Variants in DUSP28 observed in about 807,000 individuals in gnomAD.
DUSP28 encodes dual specificity phosphatase 28.
In DUSP28, 11 loss-of-function variants were observed where a neutral mutation model predicts 8.4. The observed-to-expected ratio is 1.31, with a 90% CI of 0.83 to 2.17. The LOEUF is 2.17. Ranked by LOEUF, DUSP28 falls within the 30% of genes most tolerant of loss-of-function variation. DUSP28 has a pLI of 0.00. For synonymous variants in DUSP28, 178 were observed against 130.9 expected (o/e 1.36, Z -2.46); for missense variants, 373 against 270.4 (o/e 1.38, Z -2.66).
chr2:240,561,552 T>TTA lies in DUSP28; in HGVS notation c.*85_*86insTA. 6.7e-7 allele frequency: 1 copy of TTA among 1,484,710 alleles called. No individual in the cohort carries two copies. The highest frequency in any genetic ancestry group is 2.4e-5 in the East Asian group (1 of 41,664). 92.0% of individuals were successfully genotyped at this position (1,484,710 alleles called of 1,614,324 possible). ...TTTACCCTTCTTCCTCACTGTCATA[T>TTA]CGAGTTTTCCTTTGTGTGTGTGTGT... On this transcript the variant is annotated 3_prime_UTR_variant, in exon 2 of 2. Transcript: ENST00000405954.
In DUSP28 at chr2:240,564,149, A is replaced by G. The variant is rs1402423730; in HGVS notation, c.*2682A>G. On this transcript the variant is annotated 3_prime_UTR_variant, in exon 2 of 2. Transcript: ENST00000405954. ...GCATCATCACCACTTTTGCTCAGTTATCAGTAGTAATAACAGCAATCAAAA... is the reference window on the plus strand; with the variant it reads ...GCATCATCACCACTTTTGCTCAGTTGTCAGTAGTAATAACAGCAATCAAAA... The G allele has an allele frequency of 6.6e-6, 1 of 152,296 alleles. No homozygotes were observed. Among genetic ancestry groups the G allele is most frequent in the East Asian group, 1.9e-4 (1 of 5,254 alleles). 9.4% of individuals were successfully genotyped at this position (152,296 alleles called of 1,614,324 possible).
Position 240,560,892 on chromosome 2 carries a change from G to C in DUSP28, c.208G>C (p.Val70Leu). Residue 70 changes from valine to leucine, a missense_variant, in exon 1 of 2, where the codon GTG becomes CTG. Val to Leu is a conservative substitution (Grantham distance 32). Coordinates refer to ENST00000405954, the MANE Select transcript of DUSP28 (RefSeq NM_001370465.2). Reference sequence around the variant, plus strand: ...CGGCGTGGCAGAGCTGCGCGTGCCCGTGTTCGACGACCCGGCTGAGGACCT... The same window carrying C: ...CGGCGTGGCAGAGCTGCGCGTGCCCCTGTTCGACGACCCGGCTGAGGACCT... ...APGVAELRVP[V>L]FDDPAEDLLA... The C allele has an allele frequency of 6.6e-7, 1 of 1,518,052 alleles. No individual in the cohort carries two copies. The highest frequency in any genetic ancestry group is 8.7e-7 in the Non-Finnish European group (1 of 1,146,700). The allele number at this position is 1,518,052 out of a possible 1,614,324, so 94.0% of individuals were successfully genotyped here.
chr2:240,561,237 T>G (rs1228680875), intron 1 of DUSP28, 93 bp from the exon 2 acceptor site: 1 of 1,590,272 alleles, frequency 6.3e-7, no homozygotes, highest in Non-Finnish European at 8.5e-7. Flanking sequence ...CACTTCCGGG[T>G]TGGGCGGGGC....
Position 240,560,717 on chromosome 2 carries a change from C to G in DUSP28, c.33C>G (p.Ala11=), listed in dbSNP as rs577759509. ...CGGCAGAAGCTGGGCGCCGCGGGGCCGCCTCGCCCGTACCTCCACCGTTGG... is the reference window on the plus strand; with the variant it reads ...CGGCAGAAGCTGGGCGCCGCGGGGCGGCCTCGCCCGTACCTCCACCGTTGG... MGPAEAGRRG[A]ASPVPPPLVR... The change falls in exon 1 of 2, where the codon GCC becomes GCG. Residue 11 remains alanine (A), a synonymous_variant. Transcript: ENST00000405954. 3.2e-5 allele frequency: 49 copies of G among 1,525,728 alleles called. No individual in the cohort carries two copies. In the African/African-American group the frequency reaches 5.0e-4, roughly 16 times the overall value. The allele number at this position is 1,525,728 out of a possible 1,614,324, so 94.5% of individuals were successfully genotyped here.
intron 1 of DUSP28, 43 bp downstream of exon 1, chr2:240,561,120 T>C (rs1478550446): frequency 1.4e-6 from 2 of 1,456,814 alleles, no homozygotes; most frequent in Non-Finnish European, 1.8e-6. Flanking sequence ...GAGGGGCGTG[T>C]CTTCCGGGGA....
In DUSP28 at chr2:240,564,717, C is replaced by T. The variant is rs1248867699; in HGVS notation, c.*3250C>T. Among the ~76,000 whole-genome samples, 1 of 152,222 alleles carries T rather than the reference C, an allele frequency of 6.6e-6. No individual in the cohort carries two copies. Among genetic ancestry groups the T allele is most frequent in the African/African-American group, 2.4e-5 (1 of 41,446 alleles). ...GGGCACCTGGAGCTGCCAGCAGAGC[C>T]TCCTGCCCACCAGCTGCTGAAGCCA... On this transcript the variant is annotated 3_prime_UTR_variant, in exon 2 of 2. Coordinates refer to ENST00000405954, the MANE Select transcript of DUSP28 (RefSeq NM_001370465.2).
chr2:240,561,076 A>T lies in DUSP28; in HGVS notation c.392A>T (p.Gln131Leu), dbSNP rs751867093. 1.4e-5 allele frequency: 21 copies of T among 1,484,128 alleles called. No homozygotes were observed. Among genetic ancestry groups the T allele is most frequent in the Non-Finnish European group, 1.8e-5 (20 of 1,126,916 alleles). The allele number at this position is 1,484,128 out of a possible 1,614,324, so 91.9% of individuals were successfully genotyped here. A position where few individuals can be genotyped will look rare whatever the true frequency, so the allele number is the denominator to read the frequency against. Residue 131 changes from glutamine (Q) to leucine (L), a missense_variant and splice_region_variant, in exon 1 of 2, where the codon CAG (glutamine) becomes CTG (leucine). Coordinates refer to ENST00000405954, the MANE Select transcript of DUSP28 (RefSeq NM_001370465.2). The part of the protein sequence containing the change: ...HRGLSLAKAF[Q>L]MVKSARPVAE... ...GGCCTCAGCCTGGCGAAGGCCTTCCAGGTGGGCGGGCCTTTAGGGGGGCGG... is the reference window on the plus strand; with the variant it reads ...GGCCTCAGCCTGGCGAAGGCCTTCCTGGTGGGCGGGCCTTTAGGGGGGCGG...
Position 240,560,463 on chromosome 2 carries a change from C to G in DUSP28, c.-222C>G. Reference sequence around the variant, plus strand: ...CCAAGGCCCCGGCGCCCTGGTGAGGCCCAAACCTCCCGCCATGCCCCGGCC... The same window carrying G: ...CCAAGGCCCCGGCGCCCTGGTGAGGGCCAAACCTCCCGCCATGCCCCGGCC... On this transcript the variant is annotated 5_prime_UTR_variant, in exon 1 of 2. Coordinates refer to ENST00000405954, the MANE Select transcript of DUSP28 (RefSeq NM_001370465.2). 1.6e-6 allele frequency: 1 copy of G among 631,478 alleles called. No individual in the cohort carries two copies. Among genetic ancestry groups the G allele is most frequent in the South Asian group, 4.6e-5 (1 of 21,854 alleles). The allele number at this position is 631,478 out of a possible 1,614,324, so 39.1% of individuals were successfully genotyped here. A position where few individuals can be genotyped will look rare whatever the true frequency, so the allele number is the denominator to read the frequency against.
Position 240,560,516 on chromosome 2 carries a change from G to A in DUSP28, c.-169G>A, listed in dbSNP as rs2092879618. 9.4e-6 allele frequency: 10 copies of A among 1,068,020 alleles called. No individual in the cohort carries two copies. Among genetic ancestry groups the A allele is most frequent in the Non-Finnish European group, 1.2e-5 (10 of 821,550 alleles). 66.2% of individuals were successfully genotyped at this position (1,068,020 alleles called of 1,614,324 possible). ...AACGAGACCCAAGCCCCCTGTCCCG[G>A]CCCAGCGCCCGCGGGGGACCCAAGC... On this transcript the variant is annotated 5_prime_UTR_variant, in exon 1 of 2. Transcript: ENST00000405954.
rs954740153 is a variant in DUSP28 at position 240,561,501 on chromosome 2, C to T, written c.*34C>T. On this transcript the variant is annotated 3_prime_UTR_variant, in exon 2 of 2. Coordinates refer to ENST00000405954, the MANE Select transcript of DUSP28 (RefSeq NM_001370465.2). ...GGCCTGCTGCCTGGAGGAAGGATGT[C>T]CCTGCACTGATACAGAAGGCTGGTC... The T allele has an allele frequency of 3.1e-6, 5 of 1,588,696 alleles. No homozygotes were observed. The highest frequency in any genetic ancestry group is 3.4e-6 in the Non-Finnish European group (4 of 1,167,764).
chr2:240,563,904 C>T lies in DUSP28; in HGVS notation c.*2437C>T, dbSNP rs895498009. Reference sequence around the variant, plus strand: ...CCATGTCATTTATGATGTATATAACCTCTTTAATGCCTGAAATCATAAGAA... The same window carrying T: ...CCATGTCATTTATGATGTATATAACTTCTTTAATGCCTGAAATCATAAGAA... On this transcript the variant is annotated 3_prime_UTR_variant, in exon 2 of 2. Coordinates refer to ENST00000405954, the MANE Select transcript of DUSP28 (RefSeq NM_001370465.2). 67 of 152,316 alleles carry T rather than the reference C, an allele frequency of 4.4e-4. No homozygotes were observed. The highest frequency in any genetic ancestry group is 1.6e-3 in the African/African-American group (67 of 41,426). 9.4% of individuals were successfully genotyped at this position (152,316 alleles called of 1,614,324 possible).
rs2125421655 is a variant in DUSP28, at chr2:240,560,803, T to C, written c.119T>C (p.Leu40Pro). 2.1e-6 allele frequency: 3 copies of C among 1,444,040 alleles called. No individual in the cohort carries two copies. In the South Asian group the frequency reaches 4.1e-5, roughly 20 times the overall value. The allele number at this position is 1,444,040 out of a possible 1,614,324, so 89.5% of individuals were successfully genotyped here. Residue 40 changes from leucine to proline, a missense_variant, in exon 1 of 2, where the codon CTG becomes CCG. Leu to Pro is a moderately conservative substitution (Grantham distance 98, BLOSUM62 -3). Transcript: ENST00000405954. ...CGAGCCGCGGGCGCGGAGGAGCAGC[T>C]GGCGCGCGCGGGAGTCACGCTGTGC... ...SARAAGAEEQLARAGVTLCVN... is the reference protein window; with the variant it reads ...SARAAGAEEQPARAGVTLCVN...
In DUSP28 at chr2:240,563,036, CG is replaced by C. The variant is rs2092990746; in HGVS notation, c.*1571del. On this transcript the variant is annotated 3_prime_UTR_variant, in exon 2 of 2. Coordinates refer to ENST00000405954, the MANE Select transcript of DUSP28 (RefSeq NM_001370465.2). The stretch of plus-strand genomic sequence containing the variant: ...TCACCATACTTTTTATTCCATAGCA[CG>C]GCTCCCACGCAGCTCACTACAGACA... 1 of 152,570 alleles carries C rather than the reference CG, an allele frequency of 6.6e-6. No individual in the cohort carries two copies. The highest frequency in any genetic ancestry group is 2.4e-5 in the African/African-American group (1 of 41,452). The allele number at this position is 152,570 out of a possible 1,614,324, so 9.5% of individuals were successfully genotyped here.
rs2092939617 is a variant in DUSP28 at position 240,561,079 on chromosome 2, T to TGGGCGGGCCTTTAGGG, written c.393+9_393+24dup. ...CTCAGCCTGGCGAAGGCCTTCCAGG[T>TGGGCGGGCCTTTAGGG]GGGCGGGCCTTTAGGGGGGCGGTGT... On this transcript the variant is annotated splice_region_variant and intron_variant, in intron 1 of 1. Coordinates refer to ENST00000405954, the MANE Select transcript of DUSP28 (RefSeq NM_001370465.2). 1 of 1,480,778 alleles carries TGGGCGGGCCTTTAGGG rather than the reference T, an allele frequency of 6.8e-7. No individual in the cohort carries two copies. Among genetic ancestry groups the TGGGCGGGCCTTTAGGG allele is most frequent in the Non-Finnish European group, 8.9e-7 (1 of 1,125,196 alleles). The allele number at this position is 1,480,778 out of a possible 1,614,324, so 91.7% of individuals were successfully genotyped here.
In DUSP28 at chr2:240,564,403, G is replaced by A. The variant is rs1247345862; in HGVS notation, c.*2936G>A. Among the ~76,000 whole-genome samples, 15 of 152,180 alleles carry A rather than the reference G, an allele frequency of 9.9e-5. No homozygotes were observed. Among genetic ancestry groups the A allele is most frequent in the African/African-American group, 2.9e-4 (12 of 41,440 alleles). ...TTTTCCCAGTTAAGCCCCATCTTCC[G>A]GAAATGCAGCTCCAGAGGGTCTCTG... On this transcript the variant is annotated 3_prime_UTR_variant, in exon 2 of 2. Transcript: ENST00000405954.
chr2:240,560,696 A>C lies in DUSP28; in HGVS notation c.12A>C (p.Ala4=). The part of the protein sequence containing the change: MGP[A]EAGRRGAASP... ...CTTCGGCGGGCGCCATGGGACCGGC[A>C]GAAGCTGGGCGCCGCGGGGCCGCCT... Residue 4 remains alanine (A), a synonymous_variant, in exon 1 of 2, where the codon GCA becomes GCC. Transcript: ENST00000405954. 6.5e-7 allele frequency: 1 copy of C among 1,527,594 alleles called. No individual in the cohort carries two copies. The highest frequency in any genetic ancestry group is 8.7e-7 in the Non-Finnish European group (1 of 1,149,190). 94.6% of individuals were successfully genotyped at this position (1,527,594 alleles called of 1,614,324 possible).
In DUSP28 at chr2:240,560,424, G is replaced by T; in HGVS notation, c.-261G>T. ...ACGGCGCCCGGGGACAGAGAACATG[G>T]GACGCAGAGCGGTCCAAGGCCCCGG... On this transcript the variant is annotated 5_prime_UTR_variant, in exon 1 of 2. The change creates a premature stop within an existing upstream ORF in the 5' untranslated region. Transcript: ENST00000405954. 2.7e-6 allele frequency: 1 copy of T among 370,114 alleles called. No homozygotes were observed. The allele number at this position is 370,114 out of a possible 1,614,324, so 22.9% of individuals were successfully genotyped here. A position where few individuals can be genotyped will look rare whatever the true frequency, so the allele number is the denominator to read the frequency against.
intron 1 of DUSP28, 72 bp from the exon 2 acceptor site, chr2:240,561,258 A>G (rs1575428345): frequency 6.2e-7 from 1 of 1,607,592 alleles, no homozygotes; most frequent in Admixed American, 1.7e-5. Flanking sequence ...CCACTCTTAC[A>G]GCTGGGCCCG....
In DUSP28 at chr2:240,561,862, T is replaced by A. The variant is rs1403156696; in HGVS notation, c.*395T>A. The A allele has an allele frequency of 6.2e-6, 1 of 161,342 alleles. No homozygotes were observed. Among genetic ancestry groups the A allele is most frequent in the East Asian group, 1.8e-4 (1 of 5,454 alleles). The allele number at this position is 161,342 out of a possible 1,614,324, so 10.0% of individuals were successfully genotyped here. ...CTTGTGTTTATTTTTAGTAGTGTCA[T>A]AAGAACGGACTAGTTCTTCCTGCGT... is the stretch of plus-strand genomic sequence containing the variant. On this transcript the variant is annotated 3_prime_UTR_variant, in exon 2 of 2. Transcript: ENST00000405954.
Sources: allele counts gnomAD v4.1 joint callset (sites outside exome capture counted in the v4.1 genomes callset), GRCh38; gene constraint gnomAD v4.1.1; transcripts MANE v1.5; gene names NCBI Gene and HGNC (gene_info 2026-07-23, HGNC 2026-07-21).